The following PHACTR4 variants were observed in gnomAD, a reference collection of about 807,000 sequenced individuals.
PHACTR4 encodes the protein phosphatase and actin regulator 4, also known as protein phosphatase 1, regulatory subunit 124.
A neutral mutation model predicts 72.7 loss-of-function variants in PHACTR4; 51 were observed. The observed-to-expected ratio is 0.70, with a 90% CI of 0.56 to 0.89. The LOEUF (loss-of-function observed/expected upper bound fraction) is 0.89. PHACTR4 is among the 40% of genes least tolerant of loss of function. The pLI, the probability that PHACTR4 is intolerant of heterozygous loss-of-function variation, is 0.00. For synonymous variants in PHACTR4, 255 were observed against 302.5 expected, an observed-to-expected ratio of 0.84 and a Z score of 1.63; for missense variants, 731 against 861.8, an observed-to-expected ratio of 0.85 and a Z score of 1.90.
At chr1:28,458,875 T>A (rs866308269) in intron 2 of PHACTR4, among the ~76,000 whole-genome samples, 1 of 152,290 alleles carries the variant, frequency 6.6e-6, no homozygotes, top group South Asian at 2.1e-4. Context: ...TCAGCTTGGT[T>A]TGGTTCCTTT....
intron 8 of PHACTR4, among the ~76,000 whole-genome samples, chr1:28,477,277 G>A (rs1467812027): frequency 6.6e-6 from 1 of 151,368 alleles, no homozygotes; most frequent in East Asian, 1.9e-4. Context: ...TAGTAGAGGC[G>A]GCGCTTCACT....
intron 1 of PHACTR4, among the ~76,000 whole-genome samples, chr1:28,382,269 G>T (rs193139520): frequency 6.5e-4 from 99 of 151,730 alleles, no homozygotes; most frequent in African/African-American, 2.3e-3. Flanking sequence ...ATCAATTTTT[G>T]CTTTTGTAGT....
chr1:28,426,429 C>T (rs563201707), intron 2 of PHACTR4, among the ~76,000 whole-genome samples: 329 of 152,016 alleles, frequency 2.2e-3, no homozygotes, highest in Non-Finnish European at 3.8e-3. Context: ...GAGGCTGAGG[C>T]GGGTGGATCA....
chr1:28,411,997 T>C (rs1654825439), intron 2 of PHACTR4, among the ~76,000 whole-genome samples: 2 of 152,220 alleles, frequency 1.3e-5, no homozygotes, highest in African/African-American at 4.8e-5. Context: ...ACCAGAAGGA[T>C]AGACCTAAGG....
chr1:28,458,913 G>T (rs1204116240), intron 2 of PHACTR4, among the ~76,000 whole-genome samples, 172 bp from the exon 3 acceptor site: 1 of 152,170 alleles, frequency 6.6e-6, no homozygotes, highest in East Asian at 1.9e-4. Context: ...TCTGTTAATG[G>T]ATTTTGATGT....
At chr1:28,418,315 A>AT (rs1307476258) in intron 2 of PHACTR4, among the ~76,000 whole-genome samples, 28 of 149,610 alleles carry the variant, frequency 1.9e-4, no homozygotes, top group African/African-American at 6.0e-4. Context: ...ATACAAAAAA[A>AT]AAAAATAATA....
At chr1:28,385,396 T>C (rs1652478857) in intron 1 of PHACTR4, among the ~76,000 whole-genome samples, 1 of 151,666 alleles carries the variant, frequency 6.6e-6, no homozygotes, top group Admixed American at 6.6e-5. Flanking sequence ...ATTCAAAAAT[T>C]AGCCAGGCAT....
intron 1 of PHACTR4, among the ~76,000 whole-genome samples, chr1:28,393,685 A>G (rs538302707): frequency 6.6e-6 from 1 of 152,054 alleles, no homozygotes; most frequent in African/African-American, 2.4e-5. Flanking sequence ...CCTTCTACAC[A>G]CACACACACA....
chr1:28,419,735 A>G (rs1271816695), intron 2 of PHACTR4, among the ~76,000 whole-genome samples: 1 of 152,206 alleles, frequency 6.6e-6, no homozygotes, highest in Non-Finnish European at 1.5e-5. Flanking sequence ...TACCCTAGGA[A>G]TAGGATAATG....
chr1:28,395,917 G>A (rs1653467816), intron 1 of PHACTR4, among the ~76,000 whole-genome samples: 1 of 139,020 alleles, frequency 7.2e-6, no homozygotes, highest in South Asian at 2.2e-4. Context: ...CGCCTCGTCG[G>A]CCTCCCAAAG....
At position 28,499,731 on chromosome 1, in the gene PHACTR4, C is replaced by T. The variant is rs376327049; in HGVS notation, c.*3182C>T. 1 of 152,196 alleles carries T rather than the reference C, an allele frequency of 6.6e-6. No homozygotes were observed. Among genetic ancestry groups the T allele is most frequent in the Admixed American group, 6.6e-5 (1 of 15,266 alleles). The allele number at this position is 152,196 out of a possible 1,614,324, so 9.4% of individuals were successfully genotyped here. A position where few individuals can be genotyped will look rare whatever the true frequency, so the allele number is the denominator to read the frequency against. ...GCTCAAGGAATCTGCCCATCTTCGC[C>T]TCCCAAAGTTCTGAGATAGCAGGTG... On this transcript the variant is annotated 3_prime_UTR_variant, in exon 14 of 14. Coordinates refer to ENST00000373839, the MANE Select transcript of PHACTR4 (RefSeq NM_001048183.3).
chr1:28,391,533 G>T (rs1426848760), intron 1 of PHACTR4, among the ~76,000 whole-genome samples: 2 of 149,160 alleles, frequency 1.3e-5, no homozygotes, highest in African/African-American at 5.0e-5. Flanking sequence ...TAAAATTTCT[G>T]TTAGACAGAA....
chr1:28,407,336 A>G, intron 1 of PHACTR4, 74 bp from the exon 2 acceptor site: 1 of 722,236 alleles, frequency 1.4e-6, no homozygotes, highest in Non-Finnish European at 2.3e-6. Flanking sequence ...CTGAATTAGG[A>G]TTATTTTTTT....
Position 28,496,546 on chromosome 1 carries a change from A to C in PHACTR4, c.2106A>C (p.Pro702=). The change falls in exon 14 of 14, where the codon CCA becomes CCC. Residue 702 remains proline, a synonymous_variant. Transcript: ENST00000373839. ...ESKHFTRYHR[P] is the part of the protein sequence containing the mutation. ...TAATCTCTTTTAGCTACCATCGTCC[A>C]TGATGCCAAAGGTTGAGAGAGGAAT... The C allele has an allele frequency of 6.2e-7, 1 of 1,613,974 alleles. No homozygotes were observed. The highest frequency in any genetic ancestry group is 8.5e-7 in the Non-Finnish European group (1 of 1,179,958).
intron 2 of PHACTR4, chr1:28,453,573 G>A: frequency 1.2e-6 from 1 of 806,916 alleles, no homozygotes; most frequent in Non-Finnish European, 2.0e-6. Context: ...GACTTGGGCA[G>A]CAGAGGCAGC....
intron 2 of PHACTR4, among the ~76,000 whole-genome samples, chr1:28,413,927 G>T (rs1170272915): frequency 6.6e-6 from 1 of 152,132 alleles, no homozygotes; most frequent in Non-Finnish European, 1.5e-5. Flanking sequence ...TCAGTATCAG[G>T]GTCTAAGGGG....
In PHACTR4 at chr1:28,500,080, A is replaced by G. The variant is rs952790789; in HGVS notation, c.*3531A>G. On this transcript the variant is annotated 3_prime_UTR_variant, in exon 14 of 14. Coordinates refer to ENST00000373839, the MANE Select transcript of PHACTR4 (RefSeq NM_001048183.3). Reference sequence around the variant, plus strand: ...AGTAATCTGGTTCATCTTTCGTCTCATTCATGTTATTTTCAAGTGAAACAA... The same window carrying G: ...AGTAATCTGGTTCATCTTTCGTCTCGTTCATGTTATTTTCAAGTGAAACAA... 3.3e-5 allele frequency: 5 copies of G among 152,078 alleles called. No individual in the cohort carries two copies. The highest frequency in any genetic ancestry group is 1.2e-4 in the African/African-American group (5 of 41,416). The allele number at this position is 152,078 out of a possible 1,614,324, so 9.4% of individuals were successfully genotyped here.
chr1:28,387,304 C>T (rs1427018033), intron 1 of PHACTR4, among the ~76,000 whole-genome samples: 1 of 151,804 alleles, frequency 6.6e-6, no homozygotes, highest in Non-Finnish European at 1.5e-5. Context: ...ACAGTTTTCC[C>T]CCTCCTCCAG....
intron 2 of PHACTR4, among the ~76,000 whole-genome samples, chr1:28,450,503 ATCTT>A (rs1657864256): frequency 6.6e-6 from 1 of 152,186 alleles, no homozygotes; most frequent in African/African-American, 2.4e-5. Flanking sequence ...TTTCAGGCCC[ATCTT>A]TCTTAGTCCT....
Sources: allele counts gnomAD v4.1 joint callset (sites outside exome capture counted in the v4.1 genomes callset), GRCh38; gene constraint gnomAD v4.1.1; transcripts MANE v1.5; gene names NCBI Gene and HGNC (gene_info 2026-07-23, HGNC 2026-07-21).